Variants in TMEFF1 observed in about 807,000 individuals in gnomAD.
The protein encoded by TMEFF1 is tomoregulin-1.
TMEFF1 carries 20 observed loss-of-function variants against 47.5 expected under a neutral mutation model. That is an observed-to-expected ratio of 0.42 (90% CI 0.30 to 0.61). The LOEUF is 0.61. Ranked by LOEUF, TMEFF1 falls within the 20% of genes least tolerant of loss-of-function variation. TMEFF1 has a pLI of 0.19. For synonymous variants in TMEFF1, 162 were observed against 166.3 expected, an observed-to-expected ratio of 0.97 and a Z score of 0.20; for missense variants, 411 against 471.1, an observed-to-expected ratio of 0.87 and a Z score of 1.18.
rs551620303 is a variant in TMEFF1 at position 100,513,299 on chromosome 9, C to G, written c.437-8C>G. Reference sequence around the variant, plus strand: ...ATGTTCATATTCATTCTTTGTTTTTCTTCTCAGATAATGGATCTGGATCTG... The same window carrying G: ...ATGTTCATATTCATTCTTTGTTTTTGTTCTCAGATAATGGATCTGGATCTG... On this transcript the variant is annotated splice_region_variant and splice_polypyrimidine_tract_variant and intron_variant, in intron 3 of 9. Transcript: ENST00000374879. 1 of 1,593,926 alleles carries G rather than the reference C, an allele frequency of 6.3e-7. No homozygotes were observed. Among genetic ancestry groups the G allele is most frequent in the East Asian group, 2.3e-5 (1 of 44,252 alleles).
chr9:100,544,257 T>C lies in TMEFF1; in HGVS notation c.561-3487T>C, dbSNP rs542502796. Among the ~76,000 whole-genome samples, 3 of 152,178 alleles carry C rather than the reference T, an allele frequency of 2.0e-5. No homozygotes were observed. In the East Asian group the frequency reaches 5.8e-4, roughly 29 times the overall value. On this transcript the variant is annotated intron_variant, in intron 5 of 9. Coordinates refer to ENST00000374879, the MANE Select transcript of TMEFF1 (RefSeq NM_003692.5). ...TGTTTTCACACTGCTGATAAAGACATACTAGACACTGGGCAATTTGCAAAA... is the reference window on the plus strand; with the variant it reads ...TGTTTTCACACTGCTGATAAAGACACACTAGACACTGGGCAATTTGCAAAA...
chr9:100,560,136 T>C (rs186299070), intron 7 of TMEFF1, among the ~76,000 whole-genome samples: 1 of 152,178 alleles, frequency 6.6e-6, no homozygotes, highest in Non-Finnish European at 1.5e-5. Flanking sequence ...CATTAAAAAA[T>C]TTTATTAATA....
chr9:100,534,741 A>G (rs755684097), intron 5 of TMEFF1, among the ~76,000 whole-genome samples: 14 of 152,152 alleles, frequency 9.2e-5, no homozygotes, highest in Non-Finnish European at 1.5e-4. Flanking sequence ...TCTTTTTCAT[A>G]CATTTGATCA....
chr9:100,542,103 T>C (rs1838644910), intron 5 of TMEFF1, among the ~76,000 whole-genome samples: 1 of 152,152 alleles, frequency 6.6e-6, no homozygotes, highest in Admixed American at 6.5e-5. Flanking sequence ...TTCTTTTTCC[T>C]TTCTTGCCTT....
chr9:100,555,005 A>G (rs1304939668), intron 7 of TMEFF1, among the ~76,000 whole-genome samples: 2 of 152,138 alleles, frequency 1.3e-5, no homozygotes, highest in Admixed American at 6.5e-5. Flanking sequence ...CAGATAAGCC[A>G]TCTGGTACTG....
chr9:100,482,976 CTATT>C (rs1232097669), intron 1 of TMEFF1, among the ~76,000 whole-genome samples: 2 of 152,046 alleles, frequency 1.3e-5, no homozygotes, highest in African/African-American at 4.8e-5. Flanking sequence ...GTTTTTATGT[CTATT>C]TTTTTTTCTT....
chr9:100,561,612 C>G, intron 8 of TMEFF1, 92 bp downstream of exon 8: 2 of 1,384,432 alleles, frequency 1.4e-6, no homozygotes, highest in South Asian at 2.1e-5. Context: ...CTAAATATTA[C>G]CAGAAAGTAG....
Position 100,572,622 on chromosome 9 carries a change from T to A in TMEFF1, c.1004T>A (p.Ile335Asn). ...CTCACTCATGTTCTTATTGCAGCAATTATTGGAGCTGTACAGATTGCCATC... is the reference window on the plus strand; with the variant it reads ...CTCACTCATGTTCTTATTGCAGCAAATATTGGAGCTGTACAGATTGCCATC... Reference protein sequence around the residue: ...QKLTHVLIAAIIGAVQIAIIV... With the variant: ...QKLTHVLIAANIGAVQIAIIV... The change falls in exon 9 of 10, where the codon ATT (isoleucine) becomes AAT (asparagine). Residue 335 changes from isoleucine to asparagine, a missense_variant. By Grantham distance (149) the Ile-to-Asn change is moderately radical. Transcript: ENST00000374879. 6.2e-7 allele frequency: 1 copy of A among 1,613,576 alleles called. No homozygotes were observed. The highest frequency in any genetic ancestry group is 8.5e-7 in the Non-Finnish European group (1 of 1,179,714).
At chr9:100,474,137 G>A (rs1319567219) in intron 1 of TMEFF1, among the ~76,000 whole-genome samples, 2 of 149,894 alleles carry the variant, frequency 1.3e-5, no homozygotes, top group African/African-American at 4.9e-5. Context: ...ATCTGTGTGT[G>A]TGTGTGCAGA....
intron 1 of TMEFF1, among the ~76,000 whole-genome samples, chr9:100,487,645 G>A (rs1837474640): frequency 6.6e-6 from 1 of 152,082 alleles, no homozygotes; most frequent in South Asian, 2.1e-4. Flanking sequence ...TTATGGTAGT[G>A]TCTTTTTAAG....
chr9:100,556,745 A>C (rs910126897), intron 7 of TMEFF1, among the ~76,000 whole-genome samples: 2 of 152,134 alleles, frequency 1.3e-5, no homozygotes, highest in Non-Finnish European at 1.5e-5. Flanking sequence ...CACTTTCCAA[A>C]ACATCTTCAA....
At chr9:100,482,199 C>CTTTTTTTTTTTTTTTTTTTTTTT (rs201453800) in intron 1 of TMEFF1, among the ~76,000 whole-genome samples, 2 of 148,772 alleles carry the variant, frequency 1.3e-5, no homozygotes. Flanking sequence ...TTCTTTCTTT[C>CTTTTTTTTTTTTTTTTTTTTTTT]TTTTCTTTTT....
chr9:100,551,512 G>A (rs969812172), intron 7 of TMEFF1, among the ~76,000 whole-genome samples: 1 of 152,198 alleles, frequency 6.6e-6, no homozygotes, highest in Non-Finnish European at 1.5e-5. Flanking sequence ...ACTAGAATAG[G>A]AAGGCCATTT....
intron 8 of TMEFF1, among the ~76,000 whole-genome samples, chr9:100,569,606 G>T (rs1839187841): frequency 6.6e-6 from 1 of 151,856 alleles, no homozygotes; most frequent in African/African-American, 2.4e-5. Context: ...CTAAGAAACT[G>T]TTGCCTAATC....
In TMEFF1 at chr9:100,561,534, T is replaced by A. The variant is rs368691139; in HGVS notation, c.899+14T>A. ...GGCTTCTTGTAGGTAAGTCAGCGCT[T>A]CCAGATCAGTGGTGAGCATTTTTTT... On this transcript the variant is annotated intron_variant, in intron 8 of 9. Coordinates refer to ENST00000374879, the MANE Select transcript of TMEFF1 (RefSeq NM_003692.5). 3 of 1,608,260 alleles carry A rather than the reference T, an allele frequency of 1.9e-6. No homozygotes were observed. Among genetic ancestry groups the A allele is most frequent in the Non-Finnish European group, 2.5e-6 (3 of 1,177,912 alleles).
chr9:100,542,309 C>T (rs1461354530), intron 5 of TMEFF1, among the ~76,000 whole-genome samples: 2 of 152,084 alleles, frequency 1.3e-5, no homozygotes, highest in Admixed American at 6.6e-5. Context: ...TTTTAATTTC[C>T]AGCTTAAAAA....
At chr9:100,572,895 AG>A (rs1176578368) in intron 9 of TMEFF1, among the ~76,000 whole-genome samples, 1 of 152,004 alleles carries the variant, frequency 6.6e-6, no homozygotes, top group African/African-American at 2.4e-5. Flanking sequence ...GAATGAGAAT[AG>A]TCAATGAGAT....
intron 5 of TMEFF1, among the ~76,000 whole-genome samples, chr9:100,541,433 G>T (rs896186124): frequency 6.7e-6 from 1 of 148,422 alleles, no homozygotes; most frequent in East Asian, 2.0e-4. Flanking sequence ...GAGTGCAGTG[G>T]CGCTATCTTG....
At chr9:100,517,923 A>G (rs1462444487) in intron 5 of TMEFF1, among the ~76,000 whole-genome samples, 1 of 152,204 alleles carries the variant, frequency 6.6e-6, no homozygotes, top group Admixed American at 6.5e-5. Context: ...AAACACCTTA[A>G]TATAGGTATA....
Sources: gnomAD v4.1 joint callset for allele counts (sites outside exome capture counted in the v4.1 genomes callset) on GRCh38, gnomAD v4.1.1 for gene constraint, MANE v1.5 for transcripts, NCBI Gene and HGNC (gene_info 2026-07-23, HGNC 2026-07-21) for gene names.